Variants in VWA3B observed in about 807,000 individuals in gnomAD.
The protein encoded by VWA3B is von Willebrand factor A domain-containing protein 3B.
Under a neutral mutation model 158.3 loss-of-function variants are expected in VWA3B, and 138 were observed. That is an observed-to-expected ratio of 0.87 (90% CI 0.76 to 1.00). VWA3B has a LOEUF of 1.00. VWA3B is among the 50% of genes least tolerant of loss of function. VWA3B has a pLI of 0.00. For missense variants in VWA3B, 1,555 were observed against 1,565.1 expected (o/e 0.99, Z 0.11); for synonymous variants, 596 against 587.3 (o/e 1.01, Z -0.21).
rs139373261 is a variant in VWA3B, at chr2:98,216,982, A to ACCCCCC, written c.1837-861_1837-860insCCCCCC. On this transcript the variant is annotated intron_variant, in intron 13 of 27. Transcript: ENST00000477737. ...GACTGTCATGTGTATCATTGTAAGC[A>ACCCCCC]CCCGCCCCGCACCCAGTCTCAGGTG... 2.8e-3 allele frequency: 3,394 copies of ACCCCCC among 1,231,938 alleles called. 30 individuals are homozygous for ACCCCCC. The highest frequency in any genetic ancestry group is 3.0e-3 in the Non-Finnish European group (2,806 of 950,702). The allele number at this position is 1,231,938 out of a possible 1,614,324, so 76.3% of individuals were successfully genotyped here.
intron 8 of VWA3B, among the ~76,000 whole-genome samples, chr2:98,180,003 C>A (rs1197267165): frequency 7.0e-6 from 1 of 142,524 alleles, no homozygotes; most frequent in African/African-American, 2.6e-5. Context: ...CCTTCCCTCC[C>A]TTTCTATTTT....
intron 21 of VWA3B, among the ~76,000 whole-genome samples, chr2:98,262,718 A>G (rs765694490): frequency 6.6e-6 from 1 of 151,824 alleles, no homozygotes; most frequent in Non-Finnish European, 1.5e-5. Context: ...ATCTGGAAGT[A>G]TGAGGCCTCC....
intron 22 of VWA3B, among the ~76,000 whole-genome samples, chr2:98,275,009 C>T (rs571060456): frequency 2.1e-3 from 322 of 152,330 alleles, no homozygotes; most frequent in African/African-American, 7.3e-3. Context: ...GCCAGCCTAT[C>T]CCATCACATG....
At chr2:98,124,503 A>G (rs1365876474) in intron 5 of VWA3B, among the ~76,000 whole-genome samples, 1 of 152,218 alleles carries the variant, frequency 6.6e-6, no homozygotes, top group Non-Finnish European at 1.5e-5. Flanking sequence ...CCATGGGGAC[A>G]GTCACTACCA....
chr2:98,284,646 G>A (rs1689063512), intron 22 of VWA3B, among the ~76,000 whole-genome samples: 1 of 152,148 alleles, frequency 6.6e-6, no homozygotes, highest in African/African-American at 2.4e-5. Context: ...CTGCAAAAAG[G>A]TGGCATCAAA....
At chr2:98,322,905 AG>A in the VWA3B span, among the ~76,000 whole-genome samples, 1 of 152,158 alleles carries the variant, frequency 6.6e-6, no homozygotes, top group African/African-American at 2.4e-5. Flanking sequence ...AAGAGAAAAA[AG>A]TTTGCAGTTT....
intron 7 of VWA3B, among the ~76,000 whole-genome samples, chr2:98,155,946 G>A (rs1467904056): frequency 6.6e-6 from 1 of 152,098 alleles, no homozygotes; most frequent in Non-Finnish European, 1.5e-5. Context: ...CCTCTCTCAC[G>A]TCTTAGACTA....
At chr2:98,300,803 C>T (rs201236147) in intron 25 of VWA3B, among the ~76,000 whole-genome samples, 6 of 152,106 alleles carry the variant, frequency 3.9e-5, no homozygotes, top group East Asian at 1.9e-4. Context: ...TCTCAGACTC[C>T]GCAAGCCAGT....
chr2:98,227,538 A>G (rs60418656), intron 14 of VWA3B, among the ~76,000 whole-genome samples: 190 of 152,380 alleles, frequency 1.2e-3, no homozygotes, highest in African/African-American at 4.4e-3. Flanking sequence ...TAAATAGTAT[A>G]CAATAGAATA....
chr2:98,301,771 G>C (rs1220132962), intron 25 of VWA3B, among the ~76,000 whole-genome samples: 1 of 152,022 alleles, frequency 6.6e-6, no homozygotes, highest in African/African-American at 2.4e-5. Flanking sequence ...AGTAATTCTT[G>C]GTAATATATG....
intron 5 of VWA3B, among the ~76,000 whole-genome samples, chr2:98,127,484 C>G (rs1444065965): frequency 2.0e-5 from 3 of 150,624 alleles, no homozygotes; most frequent in African/African-American, 7.3e-5. Context: ...AGAGAGTTCT[C>G]TGTCTCTCAA....
intron 6 of VWA3B, among the ~76,000 whole-genome samples, chr2:98,133,493 A>G (rs1419368211): frequency 2.6e-5 from 4 of 152,346 alleles, no homozygotes; most frequent in East Asian, 1.9e-4. Flanking sequence ...CTGTGTTGAC[A>G]TGACGGAACC....
chr2:98,293,176 C>A, intron 23 of VWA3B, among the ~76,000 whole-genome samples: 1 of 152,050 alleles, frequency 6.6e-6, no homozygotes, highest in East Asian at 1.9e-4. Context: ...ATGTGCAATG[C>A]CTGAGGCCAC....
chr2:98,106,042 A>G (rs978011456), intron 2 of VWA3B, among the ~76,000 whole-genome samples: 3 of 151,934 alleles, frequency 2.0e-5, no homozygotes, highest in African/African-American at 7.3e-5. Flanking sequence ...CAGCCTCCCA[A>G]GTAGCTGGGA....
chr2:98,131,503 T>C (rs1171540199), intron 6 of VWA3B, among the ~76,000 whole-genome samples: 2 of 152,224 alleles, frequency 1.3e-5, no homozygotes, highest in Non-Finnish European at 2.9e-5. Context: ...GTTCTATTTT[T>C]AGTTTTTTGA....
At position 98,121,391 on chromosome 2, in the gene VWA3B, C is replaced by A; in HGVS notation, c.635C>A (p.Thr212Lys). The change falls in exon 5 of 28, where the codon ACG (threonine) becomes AAG (lysine). Residue 212 changes from threonine to lysine, a missense_variant. Thr to Lys is a moderately conservative substitution (Grantham distance 78). Transcript: ENST00000477737. ...ATAISWVEKL[T>K]VELTVSEAGR... ...GCCATCAGTTGGGTTGAGAAACTGA[C>A]GGTTGAGCTGACTGTGAGCGAGGCT... The A allele has an allele frequency of 1.2e-6, 2 of 1,614,174 alleles. No homozygotes were observed. The highest frequency in any genetic ancestry group is 1.7e-6 in the Non-Finnish European group (2 of 1,180,046).
chr2:98,173,692 C>G (rs936571491), intron 8 of VWA3B, among the ~76,000 whole-genome samples: 1 of 152,058 alleles, frequency 6.6e-6, no homozygotes. Flanking sequence ...GAGGGCTGGG[C>G]GCCAGTGGCT....
intron 14 of VWA3B, among the ~76,000 whole-genome samples, chr2:98,222,895 T>G (rs1684626237): frequency 6.6e-6 from 1 of 152,162 alleles, no homozygotes; most frequent in Non-Finnish European, 1.5e-5. Context: ...ACCCAGAATC[T>G]TCTCACACAA....
At chr2:98,319,155 G>A in the VWA3B span, among the ~76,000 whole-genome samples, 2 of 151,402 alleles carry the variant, frequency 1.3e-5, no homozygotes, top group African/African-American at 4.9e-5. Context: ...ATAGCCATTG[G>A]AAAACAATAA....
Sources: allele counts gnomAD v4.1 joint callset (sites outside exome capture counted in the v4.1 genomes callset), GRCh38; gene constraint gnomAD v4.1.1; transcripts MANE v1.5; gene names NCBI Gene and HGNC (gene_info 2026-07-23, HGNC 2026-07-21).